The following GAS7 variants were observed in gnomAD, a reference collection of about 807,000 sequenced individuals.
GAS7 encodes the protein growth arrest-specific protein 7.
Under a neutral mutation model 71.1 loss-of-function variants are expected in GAS7, and 28 were observed. That is an observed-to-expected ratio of 0.39 (90% CI 0.29 to 0.54). The LOEUF (loss-of-function observed/expected upper bound fraction) is 0.54. Ranked by LOEUF, GAS7 falls within the 20% of genes least tolerant of loss-of-function variation. GAS7 has a pLI of 0.62. For missense variants in GAS7, 436 were observed against 627.8 expected (o/e 0.69, Z 3.27); for synonymous variants, 258 against 245.8 (o/e 1.05, Z -0.46).
intron 4 of GAS7, among the ~76,000 whole-genome samples, chr17:9,961,912 T>A (rs2069510716): frequency 6.6e-6 from 1 of 152,184 alleles, no homozygotes; most frequent in Non-Finnish European, 1.5e-5. Context: ...TTTCCATGTG[T>A]CTTTGCAGGA....
At chr17:10,186,914 G>A (rs947415002) in intron 1 of GAS7, among the ~76,000 whole-genome samples, 7 of 152,150 alleles carry the variant, frequency 4.6e-5, no homozygotes, top group African/African-American at 1.7e-4. Context: ...CCACTTTGCT[G>A]TAGCAGCACT....
At chr17:10,035,129 T>C (rs1251881100) in intron 1 of GAS7, among the ~76,000 whole-genome samples, 1 of 150,530 alleles carries the variant, frequency 6.6e-6, no homozygotes, top group Non-Finnish European at 1.5e-5. Flanking sequence ...GCTCCTTGCA[T>C]GCCCTTCAGT....
intron 1 of GAS7, among the ~76,000 whole-genome samples, chr17:10,072,659 G>A (rs1004890001): frequency 1.2e-4 from 19 of 152,270 alleles, no homozygotes; most frequent in Admixed American, 1.1e-3. Context: ...TCTGATAGAA[G>A]CATCTATCTG....
At chr17:9,924,870 A>G (rs1055187152) in intron 11 of GAS7, 1 of 152,198 alleles carries the variant, frequency 6.6e-6, no homozygotes, top group Non-Finnish European at 1.5e-5. Context: ...CACTGGTTCT[A>G]CCAGGCCTTC....
chr17:9,986,768 A>G (rs9899487), intron 2 of GAS7, among the ~76,000 whole-genome samples: 9,908 of 152,236 alleles, frequency 0.065, 1,050 homozygotes, highest in African/African-American at 0.22. Flanking sequence ...AATGGGCCCC[A>G]TCAGGGACGA....
intron 1 of GAS7, among the ~76,000 whole-genome samples, chr17:10,144,416 C>G (rs767835813): frequency 1.3e-5 from 2 of 152,128 alleles, no homozygotes; most frequent in African/African-American, 2.4e-5. Context: ...ATTTTTGGGG[C>G]CCTTAAATTC....
chr17:10,085,052 G>A (rs2073502163), intron 1 of GAS7, among the ~76,000 whole-genome samples: 1 of 152,150 alleles, frequency 6.6e-6, no homozygotes, highest in Admixed American at 6.5e-5. Flanking sequence ...CTATAAGACT[G>A]TTCTTATTAT....
At chr17:10,143,537 C>T (rs1252344684) in intron 1 of GAS7, among the ~76,000 whole-genome samples, 1 of 66,324 alleles carries the variant, frequency 1.5e-5, no homozygotes, top group East Asian at 6.1e-4. Flanking sequence ...AGAAAAATTC[C>T]GTCTCAAAAA....
chr17:10,015,248 T>G (rs907125185), intron 2 of GAS7, among the ~76,000 whole-genome samples: 3 of 151,830 alleles, frequency 2.0e-5, no homozygotes, highest in Non-Finnish European at 4.4e-5. Flanking sequence ...GGTGTAAAAA[T>G]GGGGACAGAA....
chr17:10,035,721 G>A (rs767841442), intron 1 of GAS7, among the ~76,000 whole-genome samples: 1 of 152,134 alleles, frequency 6.6e-6, no homozygotes, highest in African/African-American at 2.4e-5. Flanking sequence ...AGATGGATGC[G>A]TAACTTCTGG....
chr17:10,000,029 G>T (rs936104222), intron 2 of GAS7, among the ~76,000 whole-genome samples: 2 of 148,640 alleles, frequency 1.3e-5, no homozygotes, highest in Non-Finnish European at 1.5e-5. Flanking sequence ...TCACTTGAAG[G>T]ACTGGTTAAA....
At chr17:10,108,327 A>T (rs1434263299) in intron 1 of GAS7, among the ~76,000 whole-genome samples, 1 of 152,212 alleles carries the variant, frequency 6.6e-6, no homozygotes, top group East Asian at 1.9e-4. Flanking sequence ...GATGTTTCTC[A>T]TAGGTAAGGA....
intron 9 of GAS7, among the ~76,000 whole-genome samples, chr17:9,927,258 G>A (rs2068036655): frequency 6.7e-6 from 1 of 149,144 alleles, no homozygotes; most frequent in African/African-American, 2.5e-5. Flanking sequence ...AGACCAGCCT[G>A]GCCAACATGG....
In GAS7 at chr17:10,146,960, T is replaced by TAAAAAAAAAAAAAAA. The variant is rs1252230604; in HGVS notation, c.183+51247_183+51248insTTTTTTTTTTTTTTT. Among the ~76,000 whole-genome samples, 439 of 144,580 alleles carry TAAAAAAAAAAAAAAA rather than the reference T, an allele frequency of 3.0e-3. 4 individuals carry two copies. Among genetic ancestry groups the TAAAAAAAAAAAAAAA allele is most frequent in the Non-Finnish European group, 3.3e-3 (218 of 65,504 alleles). The allele number at this position is 144,580 out of a possible 152,430, so 94.9% of individuals were successfully genotyped here. On this transcript the variant is annotated intron_variant, in intron 1 of 13. Coordinates refer to ENST00000432992, the MANE Select transcript of GAS7 (RefSeq NM_201433.2). ...CGCGCCAGAGCGAGACTCCGTCTCA[T>TAAAAAAAAAAAAAAA]AAAAAAAACGATCTCTGTCTTCCTG...
rs141269396 is a variant in GAS7 at position 10,137,615 on chromosome 17, C to T, written c.183+60593G>A. On this transcript the variant is annotated intron_variant, in intron 1 of 13. Coordinates refer to ENST00000432992, the MANE Select transcript of GAS7 (RefSeq NM_201433.2). ...AGTACAATGGCAGGATCTTGGCTCA[C>T]TGCAGCTTCTGCCTCTTGGGTTCAA... Among the ~76,000 whole-genome samples the T allele has an allele frequency of 1.9e-4, 29 of 151,778 alleles. No homozygotes were observed. In the East Asian group the frequency reaches 4.5e-3, roughly 23 times the overall value.
rs567815523 is a variant in GAS7, at chr17:10,103,713, C to T, written c.184-83816G>A. 7.0e-4 allele frequency among the ~76,000 whole-genome samples: 106 copies of T among 152,056 alleles called. No individual in the cohort carries two copies. The highest frequency in any genetic ancestry group is 2.1e-3 in the African/African-American group (89 of 41,466). Reference sequence around the variant, plus strand: ...TGGTGGCACATGCCTGTAATCCCGGCTACTAGGGAGGCTGAGGCAGGAGAA... The same window carrying T: ...TGGTGGCACATGCCTGTAATCCCGGTTACTAGGGAGGCTGAGGCAGGAGAA... On this transcript the variant is annotated intron_variant, in intron 1 of 13. Coordinates refer to ENST00000432992, the MANE Select transcript of GAS7 (RefSeq NM_201433.2). The surrounding 1 kb of genome is among the most constrained non-coding windows in gnomAD (Gnocchi z 5.5).
intron 1 of GAS7, among the ~76,000 whole-genome samples, chr17:10,118,217 G>A (rs1005735743): frequency 1.1e-4 from 16 of 152,110 alleles, no homozygotes; most frequent in Non-Finnish European, 1.9e-4. Context: ...TATCGCCTGA[G>A]CCCTCGGTTT....
chr17:10,025,958 G>T (rs1168461842), intron 1 of GAS7, among the ~76,000 whole-genome samples: 2 of 152,168 alleles, frequency 1.3e-5, no homozygotes, highest in African/African-American at 4.8e-5. Flanking sequence ...CTGTTCCATT[G>T]CCCCAAACCC....
chr17:10,110,270 T>C (rs1225452140), intron 1 of GAS7, among the ~76,000 whole-genome samples: 1 of 152,074 alleles, frequency 6.6e-6, no homozygotes, highest in Admixed American at 6.6e-5. Context: ...CTGGAGGTTA[T>C]TATGTTAAGT....
Sources: allele counts gnomAD v4.1 joint callset (sites outside exome capture counted in the v4.1 genomes callset), GRCh38; gene constraint gnomAD v4.1.1; non-coding constraint Gnocchi (gnomAD v3.1); transcripts MANE v1.5; gene names NCBI Gene and HGNC (gene_info 2026-07-23, HGNC 2026-07-21).